The following RASGRF2 variants were observed in gnomAD, a reference collection of about 807,000 sequenced individuals.
The protein encoded by RASGRF2 is Ras protein specific guanine nucleotide releasing factor 2.
Under a neutral mutation model 151.0 loss-of-function variants are expected in RASGRF2, and 76 were observed. The ratio of observed to expected loss-of-function variants is 0.50; its 90% CI spans 0.42 to 0.61. The LOEUF is 0.61. Among genes scored for constraint, RASGRF2 ranks in the 20% least tolerant of loss-of-function variants. The pLI is 0.00. For missense variants in RASGRF2, 1,148 were observed against 1,564.6 expected, an observed-to-expected ratio of 0.73 and a Z score of 4.49; for synonymous variants, 504 against 566.5, an observed-to-expected ratio of 0.89 and a Z score of 1.57.
intron 17 of RASGRF2, among the ~76,000 whole-genome samples, chr5:81,140,771 G>A (rs1399171481): frequency 1.3e-5 from 2 of 152,032 alleles, no homozygotes; most frequent in Admixed American, 1.3e-4. Flanking sequence ...TTCTATTACT[G>A]TCTCTTCTCA....
intron 1 of RASGRF2, among the ~76,000 whole-genome samples, chr5:81,008,478 A>G (rs912287492): frequency 3.3e-5 from 5 of 152,124 alleles, no homozygotes; most frequent in Non-Finnish European, 7.4e-5. Flanking sequence ...AGCTTATTTT[A>G]GCACTTTGAC....
At chr5:81,080,481 C>T (rs751689319) in intron 6 of RASGRF2, 115 bp from the exon 7 acceptor site, 157 of 1,166,116 alleles carry the variant, frequency 1.3e-4, no homozygotes, top group Middle Eastern at 2.6e-4. Context: ...ATCAGGGTTG[C>T]GGCTCCATGC....
rs375961200 is a variant in RASGRF2, at chr5:81,188,666, T to C, written c.2793+8385T>C. On this transcript the variant is annotated intron_variant, in intron 18 of 26. Transcript: ENST00000265080. ...GACACTGTTTCAAGTTGTTTTCAAATATTAAGTCACTTACTGTGACTCCAC... is the reference window on the plus strand; with the variant it reads ...GACACTGTTTCAAGTTGTTTTCAAACATTAAGTCACTTACTGTGACTCCAC... Among the ~76,000 whole-genome samples the C allele has an allele frequency of 1.5e-4, 23 of 152,332 alleles. No homozygotes were observed. In the East Asian group the frequency reaches 2.9e-3, roughly 19 times the overall value.
rs577634451 is a variant in RASGRF2 at position 81,034,299 on chromosome 5, A to G, written c.289-8578A>G. Among the ~76,000 whole-genome samples, 1,056 of 152,336 alleles carry G rather than the reference A, an allele frequency of 6.9e-3. 8 individuals carry two copies. Among genetic ancestry groups the G allele is most frequent in the Middle Eastern group, 0.017 (5 of 294 alleles). On this transcript the variant is annotated intron_variant, in intron 1 of 26. Coordinates refer to ENST00000265080, the MANE Select transcript of RASGRF2 (RefSeq NM_006909.3). ...GCAATCATTAAAAAGACAGGAAACA[A>G]CAGGTGCTGGAGAGGATGTGGAGAA...
chr5:81,218,044 C>A (rs1188491164), intron 25 of RASGRF2, among the ~76,000 whole-genome samples: 1 of 152,024 alleles, frequency 6.6e-6, no homozygotes, highest in Non-Finnish European at 1.5e-5. Context: ...ACCTGGCGAC[C>A]AGCTAATTTT....
At chr5:81,203,360 C>T (rs1347175577) in intron 19 of RASGRF2, among the ~76,000 whole-genome samples, 1 of 152,166 alleles carries the variant, frequency 6.6e-6, no homozygotes, top group Non-Finnish European at 1.5e-5. Context: ...TTGCCAATCC[C>T]CTCAAGACGC....
intron 12 of RASGRF2, among the ~76,000 whole-genome samples, chr5:81,098,217 G>A (rs1360317254): frequency 6.6e-6 from 1 of 152,212 alleles, no homozygotes; most frequent in African/African-American, 2.4e-5. Flanking sequence ...GGATGGAGTT[G>A]TCATTACCTG....
intron 26 of RASGRF2, among the ~76,000 whole-genome samples, chr5:81,223,007 A>C (rs1755887106): frequency 6.6e-6 from 1 of 152,256 alleles, no homozygotes; most frequent in Non-Finnish European, 1.5e-5. Flanking sequence ...AAAAAACCTC[A>C]ATCAAAATAG....
In RASGRF2 at chr5:81,112,973, T is replaced by G. The variant is rs1753042558; in HGVS notation, c.2087+115T>G. Reference sequence around the variant, plus strand: ...AAGCAGCTCCTAGGGTGTACTAGCTTGCCTCTGAATGTACCATGCCCCTCC... The same window carrying G: ...AAGCAGCTCCTAGGGTGTACTAGCTGGCCTCTGAATGTACCATGCCCCTCC... On this transcript the variant is annotated intron_variant, in intron 14 of 26. Transcript: ENST00000265080. 7 of 1,318,964 alleles carry G rather than the reference T, an allele frequency of 5.3e-6. No homozygotes were observed. In the East Asian group the frequency reaches 1.7e-4, roughly 33 times the overall value. 81.7% of individuals were successfully genotyped at this position (1,318,964 alleles called of 1,614,324 possible).
intron 1 of RASGRF2, among the ~76,000 whole-genome samples, chr5:81,002,719 T>G (rs567950211): frequency 1.3e-5 from 2 of 152,350 alleles, no homozygotes; most frequent in African/African-American, 4.8e-5. Context: ...ATTTTGTAAT[T>G]AAGCCATAAT....
At chr5:80,965,084 C>T (rs924988915) in intron 1 of RASGRF2, among the ~76,000 whole-genome samples, 6 of 152,058 alleles carry the variant, frequency 3.9e-5, no homozygotes, top group African/African-American at 9.7e-5. Flanking sequence ...CTGAATTAAA[C>T]ATGTTGGTTT....
rs889923556 is a variant in RASGRF2 at position 81,092,804 on chromosome 5, C to T, written c.1394C>T (p.Ser465Phe). Residue 465 changes from serine (S) to phenylalanine (F), a missense_variant, in exon 10 of 27, where the codon TCT (serine) becomes TTT (phenylalanine). This residue lies in a region of RASGRF2 where 646 missense variants were observed against 807.4 expected (regional missense o/e 0.80). Coordinates refer to ENST00000265080, the MANE Select transcript of RASGRF2 (RefSeq NM_006909.3). Reference protein sequence around the residue: ...DTSQTFIRQGSLIQVPSVERG... With the variant: ...DTSQTFIRQGFLIQVPSVERG... ...TCTTCATTTTTGTAATCACCAGGTT[C>T]TCTTATTCAAGTACCTTCCGTTGAG... 8 of 1,610,276 alleles carry T rather than the reference C, an allele frequency of 5.0e-6. No homozygotes were observed. The highest frequency in any genetic ancestry group is 2.2e-5 in the East Asian group (1 of 44,852).
chr5:81,091,470 C>T (rs1752386501), intron 9 of RASGRF2, among the ~76,000 whole-genome samples: 1 of 152,144 alleles, frequency 6.6e-6, no homozygotes, highest in Admixed American at 6.5e-5. Flanking sequence ...ATTCTTTAGG[C>T]CCAGAATAGC....
chr5:81,156,640 C>A (rs1305578608), intron 17 of RASGRF2, among the ~76,000 whole-genome samples: 1 of 151,856 alleles, frequency 6.6e-6, no homozygotes, highest in Non-Finnish European at 1.5e-5. Flanking sequence ...TATTTAATAC[C>A]CATTCAATAA....
At chr5:81,134,534 C>T (rs886084494) in intron 17 of RASGRF2, among the ~76,000 whole-genome samples, 3 of 152,090 alleles carry the variant, frequency 2.0e-5, no homozygotes, top group South Asian at 2.1e-4. Flanking sequence ...AATAAATTCT[C>T]GGGCCACACA....
intron 5 of RASGRF2, 26 bp from the exon 6 acceptor site, chr5:81,080,095 T>G: frequency 1.9e-6 from 3 of 1,590,618 alleles, no homozygotes; most frequent in Non-Finnish European, 2.6e-6. Context: ...AGCAACTAAA[T>G]TATATTATTT....
intron 4 of RASGRF2, among the ~76,000 whole-genome samples, chr5:81,072,846 T>A (rs1403968776): frequency 6.6e-6 from 1 of 152,164 alleles, no homozygotes; most frequent in Non-Finnish European, 1.5e-5. Context: ...TCCAGCTCTG[T>A]CGGTTATTTT....
intron 17 of RASGRF2, among the ~76,000 whole-genome samples, chr5:81,153,951 A>AC: frequency 6.6e-6 from 1 of 151,580 alleles, no homozygotes; most frequent in East Asian, 1.9e-4. Context: ...AAAAAAAAAA[A>AC]CTTATTAACA....
At chr5:81,029,011 T>C (rs1163820707) in intron 1 of RASGRF2, among the ~76,000 whole-genome samples, 1 of 152,214 alleles carries the variant, frequency 6.6e-6, no homozygotes, top group Non-Finnish European at 1.5e-5. Flanking sequence ...ATCCCACGCC[T>C]GGCTCGGAGG....
Sources: gnomAD v4.1 joint callset for allele counts (sites outside exome capture counted in the v4.1 genomes callset) on GRCh38, gnomAD v4.1.1 for gene constraint, gnomAD v4.1.1 regional missense constraint, MANE v1.5 for transcripts, NCBI Gene and HGNC (gene_info 2026-07-23, HGNC 2026-07-21) for gene names.